Variants in DNHD1 observed in about 807,000 individuals in gnomAD.
DNHD1 encodes dynein heavy chain domain 1, also known as dynein heavy chain domain-containing protein 1.
In DNHD1, 383 loss-of-function variants were observed where a neutral mutation model predicts 458.1. That is an observed-to-expected ratio of 0.84 (90% CI 0.77 to 0.91). The LOEUF is 0.91. Ranked by LOEUF, DNHD1 falls within the 40% of genes least tolerant of loss-of-function variation. DNHD1 has a pLI of 0.00. For synonymous variants in DNHD1, 2,203 were observed against 2,376.9 expected (o/e 0.93, Z 2.13); for missense variants, 5,336 against 5,866.1 (o/e 0.91, Z 2.95).
chr11:6,512,403 T>C (rs1852361029), intron 7 of DNHD1, among the ~76,000 whole-genome samples: 1 of 151,632 alleles, frequency 6.6e-6, no homozygotes, highest in Non-Finnish European at 1.5e-5. Flanking sequence ...TTTGTATTTT[T>C]AGTAGAGATG....
In DNHD1 at chr11:6,566,245, G is replaced by A; in HGVS notation, c.11058G>A (p.Leu3686=). 6.4e-7 allele frequency: 1 copy of A among 1,551,482 alleles called. No homozygotes were observed. The highest frequency in any genetic ancestry group is 8.7e-7 in the Non-Finnish European group (1 of 1,146,886). Residue 3686 remains leucine, a synonymous_variant, in exon 34 of 43, where the codon CTG becomes CTA. Coordinates refer to ENST00000254579, the MANE Select transcript of DNHD1 (RefSeq NM_144666.3). ...SQLQEAAACG[L]PVLLTNVELG... ...GCCTTTGCCTCCCTCTCACAGGCCTGCCTGTGTTACTGACCAATGTGGAGC... is the reference window on the plus strand; with the variant it reads ...GCCTTTGCCTCCCTCTCACAGGCCTACCTGTGTTACTGACCAATGTGGAGC...
intron 24 of DNHD1, among the ~76,000 whole-genome samples, chr11:6,549,738 C>T (rs1853296670): frequency 6.6e-6 from 1 of 152,218 alleles, no homozygotes. Context: ...TTTCACCACA[C>T]TTGGAGATTT....
intron 10 of DNHD1, among the ~76,000 whole-genome samples, chr11:6,523,108 A>C (rs1211480755): frequency 6.6e-6 from 1 of 152,220 alleles, no homozygotes; most frequent in Non-Finnish European, 1.5e-5. Flanking sequence ...GCAATATCCT[A>C]CCAAGATTGG....
rs1852986855 is a variant in DNHD1 at position 6,537,716 on chromosome 11, AG to A, written c.2999-665del. Among the ~76,000 whole-genome samples the A allele has an allele frequency of 3.3e-5, 5 of 152,152 alleles. No homozygotes were observed. In the South Asian group the frequency reaches 6.2e-4, roughly 19 times the overall value. On this transcript the variant is annotated intron_variant, in intron 14 of 42. Coordinates refer to ENST00000254579, the MANE Select transcript of DNHD1 (RefSeq NM_144666.3). ...GGGAGGCCGAGGCGGGCGGATCACGAGGTCAGGAGTTCGAGACAAGCCTGGC... is the reference window on the plus strand; with the variant it reads ...GGGAGGCCGAGGCGGGCGGATCACGAGTCAGGAGTTCGAGACAAGCCTGGC...
Position 6,512,517 on chromosome 11 carries a change from T to C in DNHD1, c.1392+1088T>C, listed in dbSNP as rs369383082. Among the ~76,000 whole-genome samples the C allele has an allele frequency of 1.9e-3, 287 of 152,138 alleles. 2 individuals carry two copies. The highest frequency in any genetic ancestry group is 2.9e-3 in the Non-Finnish European group (195 of 68,002). ...GATTACAGGTGTGAACCACCGCGCC[T>C]GGCCGACTGCAAGGAATTTCTGTTC... On this transcript the variant is annotated intron_variant, in intron 7 of 42. Transcript: ENST00000254579.
At position 6,533,733 on chromosome 11, in the gene DNHD1, T is replaced by TA; in HGVS notation, c.2559dup (p.Arg854ThrfsTer12). ...GAGCTGGAGGAGCGAATGGAATACG[T>TA]ACGGGCACTCCACGAACTCATCCGC... On this transcript the variant is annotated frameshift_variant, in exon 14 of 43. Coordinates refer to ENST00000254579, the MANE Select transcript of DNHD1 (RefSeq NM_144666.3). LOFTEE classifies it high-confidence loss of function. 6.4e-7 allele frequency: 1 copy of TA among 1,551,454 alleles called. No homozygotes were observed. Among genetic ancestry groups the TA allele is most frequent in the Non-Finnish European group, 8.7e-7 (1 of 1,146,934 alleles).
intron 20 of DNHD1, 37 bp downstream of exon 20, chr11:6,544,708 G>T (rs1277443541): frequency 5.8e-6 from 9 of 1,546,048 alleles, no homozygotes; most frequent in Non-Finnish European, 7.9e-6. Flanking sequence ...GGCAAGAAGG[G>T]TTCCTGAATA....
Position 6,564,395 on chromosome 11 carries a change from C to G in DNHD1, c.10347C>G (p.Ile3449Met). 6.4e-7 allele frequency: 1 copy of G among 1,551,406 alleles called. No individual in the cohort carries two copies. Among genetic ancestry groups the G allele is most frequent in the Non-Finnish European group, 8.7e-7 (1 of 1,146,720 alleles). The change falls in exon 32 of 43, where the codon ATC becomes ATG. Residue 3449 changes from isoleucine (I) to methionine (M), a missense_variant. This residue lies in a region of DNHD1 where 3,932 missense variants were observed against 4,365.6 expected (regional missense o/e 0.90). Transcript: ENST00000254579. ...GDTLLCSAAI[I>M]YLGPFPPLRR... ...CCCTCCTATGTTCAGCTGCCATCATCTACCTGGGTCCCTTCCCACCATTGC... is the reference window on the plus strand; with the variant it reads ...CCCTCCTATGTTCAGCTGCCATCATGTACCTGGGTCCCTTCCCACCATTGC...
At chr11:6,566,534 C>T in intron 34 of DNHD1, 53 bp from the exon 35 acceptor site, 1 of 1,596,776 alleles carries the variant, frequency 6.3e-7, no homozygotes, top group Non-Finnish European at 8.5e-7. Flanking sequence ...GTCTACTCTA[C>T]CCCCTGGCTC....
chr11:6,549,662 C>T (rs1449129962), intron 24 of DNHD1, among the ~76,000 whole-genome samples: 1 of 152,210 alleles, frequency 6.6e-6, no homozygotes, highest in Non-Finnish European at 1.5e-5. Context: ...AGATATCCAT[C>T]CTGTGCTCTG....
intron 10 of DNHD1, among the ~76,000 whole-genome samples, chr11:6,527,594 A>G (rs559000277): frequency 5.9e-5 from 9 of 152,178 alleles, no homozygotes; most frequent in Non-Finnish European, 1.0e-4. Flanking sequence ...AGAGAAGTGA[A>G]TTAGGCAGTT....
At chr11:6,543,365 T>A (rs760726800) in intron 18 of DNHD1, among the ~76,000 whole-genome samples, 19 of 152,208 alleles carry the variant, frequency 1.2e-4, no homozygotes, top group Non-Finnish European at 1.8e-4. Context: ...ACTAAGACTA[T>A]GAGAGAAAAG....
rs886808417 is a variant in DNHD1, at chr11:6,533,717, G to A, written c.2542G>A (p.Glu848Lys). The change falls in exon 14 of 43, where the codon GAG (glutamate) becomes AAG (lysine). Residue 848 changes from glutamate (E) to lysine (K), a missense_variant. Around this residue, in one of 4 missense-constraint regions of DNHD1, gnomAD observed 3,932 missense variants for 4,365.6 expected, o/e 0.90. Transcript: ENST00000254579. Reference sequence around the variant, plus strand: ...CAATGAACAGTACGTCGAGCTGGAGGAGCGAATGGAATACGTACGGGCACT... The same window carrying A: ...CAATGAACAGTACGTCGAGCTGGAGAAGCGAATGGAATACGTACGGGCACT... Reference protein sequence around the residue: ...EANEQYVELEERMEYVRALHE... With the variant: ...EANEQYVELEKRMEYVRALHE... 4 of 1,551,136 alleles carry A rather than the reference G, an allele frequency of 2.6e-6. No individual in the cohort carries two copies. The African/African-American group carries it at 5.5e-5, about 21-fold the overall frequency.
Position 6,567,752 on chromosome 11 carries a change from T to C in DNHD1, c.12243T>C (p.His4081=), listed in dbSNP as rs1443292866. ...NTYAPTMPFK[H]SQATQPMLIL... ...ATGCTCCCACCATGCCCTTTAAACA[T>C]AGTCAGGCTACTCAGCCCATGCTGA... The change falls in exon 36 of 43, where the codon CAT becomes CAC. Residue 4081 remains histidine, a synonymous_variant. Coordinates refer to ENST00000254579, the MANE Select transcript of DNHD1 (RefSeq NM_144666.3). 4 of 1,613,794 alleles carry C rather than the reference T, an allele frequency of 2.5e-6. No homozygotes were observed. The highest frequency in any genetic ancestry group is 2.2e-5 in the South Asian group (2 of 91,094).
In DNHD1 at chr11:6,568,899, A is replaced by G. The variant is rs371296190; in HGVS notation, c.12863+33A>G. 51 of 1,575,836 alleles carry G rather than the reference A, an allele frequency of 3.2e-5. No individual in the cohort carries two copies. In the African/African-American group the frequency reaches 4.6e-4, roughly 14 times the overall value. Reference sequence around the variant, plus strand: ...ACCCCCACCCATTCCTGCTCAGTCAATCACTCAACAAACATTGAGTATCTT... The same window carrying G: ...ACCCCCACCCATTCCTGCTCAGTCAGTCACTCAACAAACATTGAGTATCTT... On this transcript the variant is annotated intron_variant, in intron 39 of 42. Transcript: ENST00000254579.
At chr11:6,502,675 C>G in intron 3 of DNHD1, 78 bp from the exon 4 acceptor site, 1 of 1,378,338 alleles carries the variant, frequency 7.3e-7, no homozygotes, top group Non-Finnish European at 9.7e-7. Flanking sequence ...CTTTCACTAG[C>G]CAACAGTGGC....
At chr11:6,519,492 C>A in intron 7 of DNHD1, 108 bp from the exon 8 acceptor site, 2 of 1,257,432 alleles carry the variant, frequency 1.6e-6, no homozygotes, top group South Asian at 1.4e-5. Context: ...ATATGTATAT[C>A]TAGGTTCTAG....
rs1337732104 is a variant in DNHD1, at chr11:6,563,915, C to T, written c.10075C>T (p.Arg3359Trp). Residue 3359 changes from arginine (R) to tryptophan (W), a missense_variant, in exon 31 of 43, where the codon CGG (arginine) becomes TGG (tryptophan). By Grantham distance (101) the Arg-to-Trp change is moderately radical. Transcript: ENST00000254579. The stretch of plus-strand genomic sequence containing the variant: ...GCAGCAAGTGGAGGCAACACTCACT[C>T]GGGAGCAGGCCCGCCTGGGCTACTA... ...LLQQVEATLT[R>W]EQARLGYYQF... is the part of the protein sequence containing the mutation. The T allele has an allele frequency of 5.8e-6, 9 of 1,551,570 alleles. No homozygotes were observed. The East Asian group carries it at 7.3e-5, about 13-fold the overall frequency.
chr11:6,498,186 C>T lies in DNHD1; in HGVS notation c.-30C>T. The T allele has an allele frequency of 6.3e-7, 1 of 1,588,962 alleles. No individual in the cohort carries two copies. Among genetic ancestry groups the T allele is most frequent in the Non-Finnish European group, 8.6e-7 (1 of 1,166,056 alleles). On this transcript the variant is annotated 5_prime_UTR_variant, in exon 3 of 43. Coordinates refer to ENST00000254579, the MANE Select transcript of DNHD1 (RefSeq NM_144666.3). The stretch of plus-strand genomic sequence containing the variant: ...GGAGCCTGAGCTATGGGCAAGGTCA[C>T]TTCGACAGCAGTTGAATGCCCAGCT...
Sources: allele counts gnomAD v4.1 joint callset (sites outside exome capture counted in the v4.1 genomes callset), GRCh38; gene constraint gnomAD v4.1.1; regional missense constraint gnomAD v4.1.1; transcripts MANE v1.5; gene names NCBI Gene and HGNC (gene_info 2026-07-23, HGNC 2026-07-21).